The following IGF2R variants were observed in gnomAD, a reference collection of about 807,000 sequenced individuals.
The protein encoded by IGF2R is cation-independent mannose-6-phosphate receptor.
In IGF2R, 91 loss-of-function variants were observed where a neutral mutation model predicts 270.6. That is an observed-to-expected ratio of 0.34 (90% CI 0.28 to 0.40). The LOEUF (loss-of-function observed/expected upper bound fraction) is 0.40, where lower values mean the gene tolerates loss of function less well. Ranked by LOEUF, IGF2R falls within the 10% of genes least tolerant of loss-of-function variation. The probability of loss-of-function intolerance (pLI) is 1.00; values close to 1 mark genes in which losing one functional copy is unlikely to be tolerated. For synonymous variants in IGF2R, 1,316 were observed against 1,258.9 expected (o/e 1.05, Z -0.96); for missense variants, 2,805 against 3,188.3 (o/e 0.88, Z 2.90).
chr6:160,065,610 A>G (rs1778553581), intron 29 of IGF2R, among the ~76,000 whole-genome samples: 2 of 151,882 alleles, frequency 1.3e-5, no homozygotes, highest in African/African-American at 2.4e-5. Context: ...ATGTGAAACA[A>G]ATTTGTTTCT....
rs189846450 is a variant in IGF2R, at chr6:160,040,891, T to C, written c.1480+167T>C. ...TGAATTATTAGAAGGAGCATTGGACTGGGAGGTGAAATAACTGAATTTGAG... is the reference window on the plus strand; with the variant it reads ...TGAATTATTAGAAGGAGCATTGGACCGGGAGGTGAAATAACTGAATTTGAG... On this transcript the variant is annotated intron_variant, in intron 11 of 47. Coordinates refer to ENST00000356956, the MANE Select transcript of IGF2R (RefSeq NM_000876.4). Among the ~76,000 whole-genome samples, 578 of 138,808 alleles carry C rather than the reference T, an allele frequency of 4.2e-3. 2 individuals carry two copies. Among genetic ancestry groups the C allele is most frequent in the Middle Eastern group, 0.02 (5 of 256 alleles). The allele number at this position is 138,808 out of a possible 152,430, so 91.1% of individuals were successfully genotyped here. A position where few individuals can be genotyped will look rare whatever the true frequency, so the allele number is the denominator to read the frequency against.
At position 160,096,618 on chromosome 6, in the gene IGF2R, C is replaced by T; in HGVS notation, c.6835C>T (p.Pro2279Ser). The T allele has an allele frequency of 6.2e-7, 1 of 1,611,324 alleles. No individual in the cohort carries two copies. The change falls in exon 45 of 48, where the codon CCT (proline) becomes TCT (serine). Residue 2279 changes from proline to serine, a missense_variant. Physicochemically the swap from Pro to Ser is moderately conservative, Grantham distance 74. This residue lies in a region of IGF2R where 1,851 missense variants were observed against 2,207.2 expected (regional missense o/e 0.84). Transcript: ENST00000356956. The stretch of plus-strand genomic sequence containing the variant: ...CTCTTGGTACACCTCAGCCGTGTGT[C>T]CTCTGGGGTGAGTATGACATCCGGA... ...LFSWYTSAVC[P>S]LGVGFDSENP...
rs1778369553 is a variant in IGF2R at position 160,058,900 on chromosome 6, C to T, written c.2899-6C>T. 1 of 1,613,298 alleles carries T rather than the reference C, an allele frequency of 6.2e-7. No individual in the cohort carries two copies. The highest frequency in any genetic ancestry group is 1.3e-5 in the African/African-American group (1 of 74,902). ...GTTTGTATGGCTCTTACCGTCTGAC[C>T]TGCAGTTTAATGTCTGCGGCACAAT... On this transcript the variant is annotated splice_polypyrimidine_tract_variant and splice_region_variant and intron_variant, in intron 21 of 47. Transcript: ENST00000356956.
chr6:160,055,761 A>G (rs1406081233), intron 19 of IGF2R, among the ~76,000 whole-genome samples: 1 of 152,154 alleles, frequency 6.6e-6, no homozygotes, highest in South Asian at 2.1e-4. Context: ...AGAAATACTA[A>G]CAAAACTCAT....
At position 160,056,533 on chromosome 6, in the gene IGF2R, TGCTTTCACCTGGCCCTCGTGCTGA is replaced by T. The variant is rs766935640; in HGVS notation, c.2796+12_2796+35del. On this transcript the variant is annotated intron_variant, in intron 20 of 47. Transcript: ENST00000356956. ...ACGACGGATACAGACCAGGTACGTGTGCTTTCACCTGGCCCTCGTGCTGAGCTGCCTGCTGGACATCCTCAACTC... is the reference window on the plus strand; with the variant it reads ...ACGACGGATACAGACCAGGTACGTGTGCTGCCTGCTGGACATCCTCAACTC... The T allele has an allele frequency of 2.0e-5, 32 of 1,575,642 alleles. 2 individuals are homozygous for T. In the South Asian group the frequency reaches 3.4e-4, roughly 17 times the overall value.
At chr6:160,081,838 T>C (rs951539254) in intron 39 of IGF2R, among the ~76,000 whole-genome samples, 1 of 152,244 alleles carries the variant, frequency 6.6e-6, no homozygotes, top group African/African-American at 2.4e-5. Context: ...AGCCAGACTT[T>C]AAGGTTATCT....
intron 2 of IGF2R, chr6:160,006,230 G>T (rs1031258236): frequency 1.4e-4 from 18 of 128,680 alleles, no homozygotes; most frequent in Admixed American, 2.4e-4. Flanking sequence ...TCCCCCCTTC[G>T]CGCCTCCCTG....
chr6:159,992,942 A>G (rs1284519206), intron 2 of IGF2R, among the ~76,000 whole-genome samples: 1 of 152,128 alleles, frequency 6.6e-6, no homozygotes, highest in African/African-American at 2.4e-5. Context: ...ACTTTTTAAT[A>G]ATTGCCATTC....
At position 159,971,354 on chromosome 6, in the gene IGF2R, T is replaced by C. The variant is rs571746532; in HGVS notation, c.149+1959T>C. ...TGGCCTTTGTATCTTTACGTTTTTC[T>C]GGCCACTGTCACACGTGGGCATACT... On this transcript the variant is annotated intron_variant, in intron 1 of 47. Coordinates refer to ENST00000356956, the MANE Select transcript of IGF2R (RefSeq NM_000876.4). Among the ~76,000 whole-genome samples, 3 of 152,346 alleles carry C rather than the reference T, an allele frequency of 2.0e-5. No individual in the cohort carries two copies. In the East Asian group the frequency reaches 5.8e-4, roughly 29 times the overall value.
intron 11 of IGF2R, among the ~76,000 whole-genome samples, chr6:160,042,122 G>A (rs1410724136): frequency 6.6e-6 from 1 of 152,032 alleles, no homozygotes; most frequent in Non-Finnish European, 1.5e-5. Flanking sequence ...GCAGTATTTC[G>A]TGGTATTTGT....
intron 36 of IGF2R, among the ~76,000 whole-genome samples, chr6:160,077,640 A>G (rs1778882695): frequency 6.6e-6 from 1 of 152,238 alleles, no homozygotes; most frequent in South Asian, 2.1e-4. Context: ...TTCATTTTCA[A>G]TGGAAGTACT....
rs537358105 is a variant in IGF2R, at chr6:160,106,841, T to C, written c.*1757T>C. ...TCATCAAAACAATGAACATGGAGTT[T>C]AGAGTCCAGTGAGTCAATAAAGCTT... is the stretch of plus-strand genomic sequence containing the variant. On this transcript the variant is annotated 3_prime_UTR_variant, in exon 48 of 48. Transcript: ENST00000356956. 6.6e-5 allele frequency: 10 copies of C among 152,346 alleles called. No individual in the cohort carries two copies. Among genetic ancestry groups the C allele is most frequent in the African/African-American group, 2.4e-4 (10 of 41,588 alleles). 9.4% of individuals were successfully genotyped at this position (152,346 alleles called of 1,614,324 possible).
intron 22 of IGF2R, among the ~76,000 whole-genome samples, 166 bp downstream of exon 22, chr6:160,059,264 G>A (rs1054610378): frequency 6.6e-6 from 1 of 152,158 alleles, no homozygotes; most frequent in Non-Finnish European, 1.5e-5. Context: ...GTTTGACCTC[G>A]CAGAATACAG....
chr6:159,974,996 C>T (rs2115166644), intron 1 of IGF2R, among the ~76,000 whole-genome samples: 1 of 152,312 alleles, frequency 6.6e-6, no homozygotes, highest in Non-Finnish European at 1.5e-5. Flanking sequence ...CAGAAGACCT[C>T]CGTAATCAAA....
At chr6:160,029,480 C>T in intron 6 of IGF2R, 70 bp from the exon 7 acceptor site, 2 of 950,132 alleles carry the variant, frequency 2.1e-6, no homozygotes, top group Non-Finnish European at 3.4e-6. Context: ...GCTGAATGCT[C>T]AGGGCAACAT....
At chr6:160,057,046 G>T (rs1778331676) in intron 20 of IGF2R, among the ~76,000 whole-genome samples, 1 of 152,012 alleles carries the variant, frequency 6.6e-6, no homozygotes, top group Non-Finnish European at 1.5e-5. Context: ...CCTGTCTATA[G>T]GGTGAGGCTT....
At chr6:160,012,795 A>G (rs1191487120) in intron 4 of IGF2R, among the ~76,000 whole-genome samples, 16 of 123,444 alleles carry the variant, frequency 1.3e-4, no homozygotes, top group South Asian at 5.0e-4. Flanking sequence ...TTGTTTGTTT[A>G]TTTGTTTGTT....
Position 160,089,935 on chromosome 6 carries a change from G to T in IGF2R, c.6487G>T (p.Asp2163Tyr). The T allele has an allele frequency of 6.3e-7, 1 of 1,588,658 alleles. No homozygotes were observed. Among genetic ancestry groups the T allele is most frequent in the Non-Finnish European group, 8.6e-7 (1 of 1,168,426 alleles). Residue 2163 changes from aspartate to tyrosine, a missense_variant, in exon 44 of 48, where the codon GAC becomes TAC. Around this residue, in one of 2 missense-constraint regions of IGF2R, gnomAD observed 1,851 missense variants for 2,207.2 expected, o/e 0.84. Transcript: ENST00000356956. ...CTTCAGGCTGTTCAGAGCCTCTGGG[G>T]ACATGAGGACCAATGGGGACAACTA... is the stretch of plus-strand genomic sequence containing the variant. The part of the protein sequence containing the change: ...IYFKLFRASG[D>Y]MRTNGDNYLY...
At chr6:160,051,461 G>A (rs1778193823) in intron 19 of IGF2R, among the ~76,000 whole-genome samples, 1 of 152,144 alleles carries the variant, frequency 6.6e-6, no homozygotes, top group African/African-American at 2.4e-5. Flanking sequence ...TGAGGGTGGA[G>A]GTAACAAGGC....
Sources: allele counts gnomAD v4.1 joint callset (sites outside exome capture counted in the v4.1 genomes callset), GRCh38; gene constraint gnomAD v4.1.1; regional missense constraint gnomAD v4.1.1; transcripts MANE v1.5; gene names NCBI Gene and HGNC (gene_info 2026-07-23, HGNC 2026-07-21).